The following CCDC82 variants were observed in gnomAD, a reference collection of about 807,000 sequenced individuals.
CCDC82 encodes coiled-coil domain containing 82.
Under a neutral mutation model 60.6 loss-of-function variants are expected in CCDC82, and 47 were observed. The ratio of observed to expected loss-of-function variants is 0.77; its 90% confidence interval spans 0.61 to 0.99. CCDC82 has a LOEUF of 0.99. Among genes scored for constraint, CCDC82 ranks in the 50% least tolerant of loss-of-function variants. The pLI is 0.00. For missense variants in CCDC82, 588 were observed against 633.0 expected (o/e 0.93, Z 0.76); for synonymous variants, 212 against 207.4 (o/e 1.02, Z -0.19).
intron 6 of CCDC82, 60 bp from the exon 7 acceptor site, chr11:96,371,197 T>G (rs1396178281): frequency 3.0e-5 from 35 of 1,164,284 alleles, no homozygotes; most frequent in Non-Finnish European, 4.0e-5. Context: ...TTTAAACTAT[T>G]TAATACTTAA....
Position 96,365,083 on chromosome 11 carries a change from G to A in CCDC82, c.1277C>T (p.Ala426Val). ...LKNPENCSCQ[A>V]CGLHRYCKYS... ...TTTACAGTAGCGATGCAGTCCACAA[G>A]CCTGGCAGGAACAGTTTTCAGGATT... Residue 426 changes from alanine to valine, a missense_variant, in exon 8 of 10, where the codon GCT becomes GTT. Ala to Val is a moderately conservative substitution (Grantham distance 64). Transcript: ENST00000646818. 1 of 1,607,652 alleles carries A rather than the reference G, an allele frequency of 6.2e-7. No individual in the cohort carries two copies. The highest frequency in any genetic ancestry group is 8.5e-7 in the Non-Finnish European group (1 of 1,176,626).
intron 7 of CCDC82, among the ~76,000 whole-genome samples, chr11:96,365,899 T>C (rs1041339559): frequency 1.3e-5 from 2 of 152,258 alleles, no homozygotes; most frequent in Non-Finnish European, 2.9e-5. Flanking sequence ...CATATTAGCA[T>C]GGTTACTAAA....
At chr11:96,382,725 A>G (rs1044414649) in intron 5 of CCDC82, 1 of 151,868 alleles carries the variant, frequency 6.6e-6, no homozygotes, top group Non-Finnish European at 1.5e-5. Flanking sequence ...TTTTTAAAAT[A>G]CTATTAAAAT....
chr11:96,385,497 A>AGGCTATCCTCTGTGATGTG, intron 3 of CCDC82: 1 of 152,522 alleles, frequency 6.6e-6, no homozygotes. Flanking sequence ...AAAGTAACAA[A>AGGCTATCCTCTGTGATGTG]TGACATAAAG....
intron 8 of CCDC82, among the ~76,000 whole-genome samples, chr11:96,361,226 C>T (rs1354085808): frequency 1.3e-5 from 2 of 152,210 alleles, no homozygotes; most frequent in South Asian, 2.1e-4. Flanking sequence ...TATAGGCATA[C>T]GATAAAGTGA....
At chr11:96,386,177 C>CA (rs1326629380) in intron 3 of CCDC82, 77 bp downstream of exon 3, 1 of 152,294 alleles carries the variant, frequency 6.6e-6, no homozygotes, top group East Asian at 1.9e-4. Context: ...TAAAAATCTT[C>CA]AAAAAATGTG....
At chr11:96,372,067 CCT>C (rs1490386186) in intron 6 of CCDC82, among the ~76,000 whole-genome samples, 1 of 152,116 alleles carries the variant, frequency 6.6e-6, no homozygotes, top group Non-Finnish European at 1.5e-5. Flanking sequence ...CCTCTGAGCT[CCT>C]CTCTTTTCCC....
At chr11:96,356,320 G>T (rs188841122) in intron 9 of CCDC82, 2 of 509,058 alleles carry the variant, frequency 3.9e-6, no homozygotes, top group East Asian at 1.5e-4. Context: ...GAAGGCAAGG[G>T]ATATCTAATT....
chr11:96,367,339 T>A (rs1347117412), intron 7 of CCDC82, among the ~76,000 whole-genome samples: 2 of 152,214 alleles, frequency 1.3e-5, no homozygotes, highest in Non-Finnish European at 2.9e-5. Context: ...AAAATTGGAG[T>A]CAATCCTCTC....
At chr11:96,374,552 A>G (rs186372858) in intron 5 of CCDC82, among the ~76,000 whole-genome samples, 87 of 152,334 alleles carry the variant, frequency 5.7e-4, no homozygotes, top group Non-Finnish European at 8.2e-4. Flanking sequence ...TAGCCTTTAG[A>G]TGGCCTATGA....
At chr11:96,377,150 G>A in intron 5 of CCDC82, among the ~76,000 whole-genome samples, 1 of 152,200 alleles carries the variant, frequency 6.6e-6, no homozygotes, top group Non-Finnish European at 1.5e-5. Flanking sequence ...CCTAGTGTAT[G>A]AGGCAGAGGC....
intron 9 of CCDC82, chr11:96,357,063 T>C: frequency 3.0e-6 from 3 of 985,416 alleles, no homozygotes; most frequent in South Asian, 9.4e-5. Context: ...TACCAGACTG[T>C]AGCTAAAGGC....
At chr11:96,364,872 T>A in intron 8 of CCDC82, 108 bp downstream of exon 8, 1 of 968,366 alleles carries the variant, frequency 1.0e-6, no homozygotes. Flanking sequence ...GTGGATTATA[T>A]GCTAAAAATG....
rs1218170790 is a variant in CCDC82 at position 96,353,612 on chromosome 11, A to G, written c.*34T>C. 4 of 1,449,354 alleles carry G rather than the reference A, an allele frequency of 2.8e-6. No individual in the cohort carries two copies. In the African/African-American group the frequency reaches 4.2e-5, roughly 15 times the overall value. 89.8% of individuals were successfully genotyped at this position (1,449,354 alleles called of 1,614,324 possible). A position where few individuals can be genotyped will look rare whatever the true frequency, so the allele number is the denominator to read the frequency against. On this transcript the variant is annotated 3_prime_UTR_variant, in exon 10 of 10. Coordinates refer to ENST00000646818, the MANE Select transcript of CCDC82 (RefSeq NM_024725.4). Reference sequence around the variant, plus strand: ...CAAGAATCATGATCTTCACATTTACAGGAATTTAAAAAATCTTCTCTGATG... The same window carrying G: ...CAAGAATCATGATCTTCACATTTACGGGAATTTAAAAAATCTTCTCTGATG...
chr11:96,378,391 T>C (rs1005775748), intron 5 of CCDC82, among the ~76,000 whole-genome samples: 2 of 152,046 alleles, frequency 1.3e-5, no homozygotes, highest in Non-Finnish European at 2.9e-5. Context: ...GAGTCTACCT[T>C]TACCTTATAC....
At chr11:96,363,084 T>C (rs1356755215) in intron 8 of CCDC82, 1 of 151,808 alleles carries the variant, frequency 6.6e-6, no homozygotes, top group African/African-American at 2.4e-5. Flanking sequence ...CTGCCTCGAG[T>C]AGCTGGGACT....
At chr11:96,354,337 T>C (rs1864239767) in intron 9 of CCDC82, 1 of 152,160 alleles carries the variant, frequency 6.6e-6, no homozygotes, top group Non-Finnish European at 1.5e-5. Context: ...CAAGAAAATA[T>C]GGGATTTGAC....
intron 9 of CCDC82, chr11:96,357,067 T>C (rs1864384389): frequency 4.8e-5 from 47 of 985,212 alleles, no homozygotes; most frequent in Non-Finnish European, 5.7e-5. Context: ...AGACTGTAGC[T>C]AAAGGCAGCA....
intron 5 of CCDC82, among the ~76,000 whole-genome samples, chr11:96,379,929 T>C (rs962596450): frequency 2.6e-5 from 4 of 151,638 alleles, no homozygotes; most frequent in Non-Finnish European, 4.4e-5. Flanking sequence ...TAGTTGAGGA[T>C]GGAACCCCTG....
Sources: gnomAD v4.1 joint callset for allele counts (sites outside exome capture counted in the v4.1 genomes callset) on GRCh38, gnomAD v4.1.1 for gene constraint, MANE v1.5 for transcripts, NCBI Gene and HGNC (gene_info 2026-07-23, HGNC 2026-07-21) for gene names.